The following AKT1 variants were observed in gnomAD, a reference collection of about 807,000 sequenced individuals.
AKT1 encodes the protein RAC-alpha serine/threonine-protein kinase.
Under a neutral mutation model 63.1 loss-of-function variants are expected in AKT1, and 21 were observed. That is an observed-to-expected ratio of 0.33 (90% CI 0.24 to 0.48). The LOEUF (loss-of-function observed/expected upper bound fraction) is 0.48. AKT1 is among the 20% of genes least tolerant of loss of function. The pLI, the probability that AKT1 is intolerant of heterozygous loss-of-function variation, is 0.99. For synonymous variants in AKT1, 257 were observed against 253.1 expected, an observed-to-expected ratio of 1.02 and a Z score of -0.15; for missense variants, 382 against 666.0, an observed-to-expected ratio of 0.57 and a Z score of 4.69.
intron 12 of AKT1, 104 bp from the exon 13 acceptor site, chr14:104,772,556 C>A: frequency 8.4e-7 from 1 of 1,191,422 alleles, no homozygotes; most frequent in South Asian, 1.3e-5. Context: ...ACAGGACGTT[C>A]CGGGGCCAGG....
At chr14:104,792,947 C>T (rs1308293925) in intron 2 of AKT1, 180 bp downstream of exon 2, 3 of 560,592 alleles carry the variant, frequency 5.4e-6, no homozygotes, top group Non-Finnish European at 9.6e-6. Context: ...TGTAATTGAA[C>T]ACAGTTCCCT....
chr14:104,790,556 G>A (rs561176095), intron 3 of AKT1, among the ~76,000 whole-genome samples: 2 of 152,308 alleles, frequency 1.3e-5, no homozygotes, highest in South Asian at 4.1e-4. Flanking sequence ...GGCCCCGGAG[G>A]ACAGGCTTTC....
chr14:104,774,729 C>G, intron 8 of AKT1: 2 of 611,360 alleles, frequency 3.3e-6, no homozygotes, highest in East Asian at 2.8e-5. Context: ...CCCACCTGCC[C>G]GCACACGGGA....
At chr14:104,785,719 G>A (rs918615264) in intron 3 of AKT1, among the ~76,000 whole-genome samples, 1 of 152,116 alleles carries the variant, frequency 6.6e-6, no homozygotes, top group Non-Finnish European at 1.5e-5. Flanking sequence ...GACACAAACT[G>A]CAAATTCTTC....
chr14:104,794,856 T>A lies in AKT1; in HGVS notation c.-258+628A>T, dbSNP rs567423597. 1.1e-4 allele frequency among the ~76,000 whole-genome samples: 17 copies of A among 152,310 alleles called. No homozygotes were observed. The South Asian group carries it at 3.5e-3, about 32-fold the overall frequency. ...CAAGCTCGCTAGCGCCCCAGGATACTCAATCTAAGGGGCAAGCCCCAGCTG... is the reference window on the plus strand; with the variant it reads ...CAAGCTCGCTAGCGCCCCAGGATACACAATCTAAGGGGCAAGCCCCAGCTG... On this transcript the variant is annotated intron_variant, in intron 1 of 14. Coordinates refer to ENST00000649815, the MANE Select transcript of AKT1 (RefSeq NM_001382430.1).
intron 3 of AKT1, among the ~76,000 whole-genome samples, chr14:104,780,757 C>T (rs139486702): frequency 8.3e-5 from 12 of 145,386 alleles, no homozygotes; most frequent in East Asian, 4.3e-4. Context: ...TGGAGCATGG[C>T]GTCCACAGTT....
chr14:104,792,832 C>T (rs1029753865), intron 2 of AKT1, 110 bp from the exon 3 acceptor site: 1 of 665,038 alleles, frequency 1.5e-6, no homozygotes, highest in Non-Finnish European at 2.6e-6. Context: ...CCACCCGCAC[C>T]TGCCTTCCCA....
At chr14:104,783,446 C>T (rs1399491053) in intron 3 of AKT1, among the ~76,000 whole-genome samples, 1 of 152,086 alleles carries the variant, frequency 6.6e-6, no homozygotes, top group African/African-American at 2.4e-5. Flanking sequence ...GGGAAGCACC[C>T]GCCACAGAGG....
intron 4 of AKT1, among the ~76,000 whole-genome samples, chr14:104,779,847 G>A (rs955223845): frequency 2.0e-5 from 3 of 148,322 alleles, no homozygotes; most frequent in Middle Eastern, 3.5e-3. Context: ...AGCCAGCCTC[G>A]GCCTTAGGAC....
intron 3 of AKT1, among the ~76,000 whole-genome samples, chr14:104,782,563 T>TG (rs111283854): frequency 0.013 from 2,025 of 152,008 alleles, 45 homozygotes; most frequent in African/African-American, 0.047. Context: ...TTACCAGGCG[T>TG]GGGGGGTGGG....
Position 104,772,934 on chromosome 14 carries a change from A to C in AKT1, c.1116T>G (p.Leu372=). 6.2e-7 allele frequency: 1 copy of C among 1,613,966 alleles called. No homozygotes were observed. The highest frequency in any genetic ancestry group is 8.5e-7 in the Non-Finnish European group (1 of 1,180,016). The change falls in exon 12 of 15, where the codon CTT becomes CTG. Residue 372 remains leucine (L), a synonymous_variant. Transcript: ENST00000649815. The stretch of plus-strand genomic sequence containing the variant: ...AAAGCAAGGACTTGGCCTCGGGACC[A>C]AGCGTGCGCGGGAAGCGGATCTCCT... ...LMEEIRFPRT[L]GPEAKSLLSG...
At position 104,769,790 on chromosome 14, in the gene AKT1, G is replaced by A; in HGVS notation, c.*551C>T. On this transcript the variant is annotated 3_prime_UTR_variant, in exon 15 of 15. Coordinates refer to ENST00000649815, the MANE Select transcript of AKT1 (RefSeq NM_001382430.1). Reference sequence around the variant, plus strand: ...CCCCATCCCTGGTCCCATCCCAGGGGCCCAGCCTCCGATGACGTCCTCAGA... The same window carrying A: ...CCCCATCCCTGGTCCCATCCCAGGGACCCAGCCTCCGATGACGTCCTCAGA... The A allele has an allele frequency of 2.6e-6, 1 of 386,280 alleles. No individual in the cohort carries two copies. The highest frequency in any genetic ancestry group is 4.9e-6 in the Non-Finnish European group (1 of 205,748). 23.9% of individuals were successfully genotyped at this position (386,280 alleles called of 1,614,324 possible).
intron 5 of AKT1, chr14:104,776,384 T>G (rs1892716702): frequency 2.9e-6 from 1 of 346,728 alleles, no homozygotes; most frequent in Admixed American, 4.5e-5. Context: ...TGGTCTCAAG[T>G]GATCTGCGCA....
chr14:104,786,944 AG>A (rs897325751), intron 3 of AKT1, among the ~76,000 whole-genome samples: 6 of 151,948 alleles, frequency 3.9e-5, no homozygotes, highest in African/African-American at 1.5e-4. Flanking sequence ...CCTCCCCGCC[AG>A]GCCTGCCCAG....
rs762049014 is a variant in AKT1, at chr14:104,769,555, G to T, written c.*786C>A. 1.1e-5 allele frequency: 6 copies of T among 533,722 alleles called. No individual in the cohort carries two copies. The highest frequency in any genetic ancestry group is 7.5e-5 in the African/African-American group (4 of 53,640). The allele number at this position is 533,722 out of a possible 1,614,324, so 33.1% of individuals were successfully genotyped here. ...TGGGGCGACAGCGGAAAGGTTAAGC[G>T]TCGAAAAGGTCAAGTGCTACCGTGG... is the stretch of plus-strand genomic sequence containing the variant. On this transcript the variant is annotated 3_prime_UTR_variant, in exon 15 of 15. Coordinates refer to ENST00000649815, the MANE Select transcript of AKT1 (RefSeq NM_001382430.1).
intron 3 of AKT1, among the ~76,000 whole-genome samples, chr14:104,784,685 A>G (rs1595256644): frequency 2.0e-5 from 3 of 150,502 alleles, no homozygotes; most frequent in East Asian, 2.0e-4. Flanking sequence ...CGGGGACCAC[A>G]TGGACAGTCA....
At chr14:104,794,987 C>G (rs1893814170) in intron 1 of AKT1, 1 of 152,254 alleles carries the variant, frequency 6.6e-6, no homozygotes, top group South Asian at 2.1e-4. Flanking sequence ...TTGTGGCTAG[C>G]CTGGGTACCC....
At chr14:104,772,539 C>A in intron 12 of AKT1, 87 bp from the exon 13 acceptor site, 1 of 1,363,924 alleles carries the variant, frequency 7.3e-7, no homozygotes, top group Non-Finnish European at 1.0e-6. Context: ...GATGTAGGGC[C>A]CGCCAGACAG....
chr14:104,777,338 T>C lies in AKT1; in HGVS notation c.176-568A>G, dbSNP rs145013396. ...GGCACAGCCACACCTGGGGCACACA[T>C]ACATCTGGGGCACACACACACTGGA... is the stretch of plus-strand genomic sequence containing the variant. On this transcript the variant is annotated intron_variant, in intron 4 of 14. Transcript: ENST00000649815. 789 of 134,742 alleles carry C rather than the reference T, an allele frequency of 5.9e-3. 2 individuals carry two copies. Among genetic ancestry groups the C allele is most frequent in the African/African-American group, 0.027 (565 of 20,990 alleles). The allele number at this position is 134,742 out of a possible 1,614,324, so 8.3% of individuals were successfully genotyped here. A position where few individuals can be genotyped will look rare whatever the true frequency, so the allele number is the denominator to read the frequency against.
Sources: gnomAD v4.1 joint callset for allele counts (sites outside exome capture counted in the v4.1 genomes callset) on GRCh38, gnomAD v4.1.1 for gene constraint, MANE v1.5 for transcripts, NCBI Gene and HGNC (gene_info 2026-07-23, HGNC 2026-07-21) for gene names.